Variants in DLGAP1 observed in about 807,000 individuals in gnomAD.
DLGAP1 encodes the protein DLG associated protein 1, also known as disks large-associated protein 1.
In DLGAP1, 11 loss-of-function variants were observed where a neutral mutation model predicts 90.8. The ratio of observed to expected loss-of-function variants is 0.12; its 90% CI spans 0.08 to 0.20. The LOEUF is 0.20. Among genes scored for constraint, DLGAP1 ranks in the 10% least tolerant of loss-of-function variants. DLGAP1 has a pLI of 1.00. For synonymous variants in DLGAP1, 558 were observed against 540.7 expected, an observed-to-expected ratio of 1.03 and a Z score of -0.44; for missense variants, 1,050 against 1,333.8, an observed-to-expected ratio of 0.79 and a Z score of 3.31.
intron 1 of DLGAP1, among the ~76,000 whole-genome samples, chr18:4,361,671 C>A (rs143820022): frequency 2.0e-5 from 3 of 152,010 alleles, no homozygotes; most frequent in African/African-American, 4.8e-5. Flanking sequence ...ACAAAAGCTT[C>A]GAAACACTTA....
chr18:3,585,359 G>A (rs2055817569), intron 7 of DLGAP1, among the ~76,000 whole-genome samples: 1 of 152,194 alleles, frequency 6.6e-6, no homozygotes, highest in Non-Finnish European at 1.5e-5. Context: ...TGGGAGTAAC[G>A]CTCATCTCAG....
At chr18:3,724,380 T>C (rs1473220493) in intron 7 of DLGAP1, among the ~76,000 whole-genome samples, 1 of 152,100 alleles carries the variant, frequency 6.6e-6, no homozygotes, top group Non-Finnish European at 1.5e-5. Flanking sequence ...ACCTATTTAC[T>C]CTTTATAAAA....
intron 10 of DLGAP1, among the ~76,000 whole-genome samples, chr18:3,520,066 C>A (rs773061473): frequency 2.4e-4 from 36 of 152,106 alleles, no homozygotes; most frequent in Non-Finnish European, 4.3e-4. Context: ...ATTACCCAGT[C>A]TTTGGTATTT....
intron 1 of DLGAP1, among the ~76,000 whole-genome samples, chr18:4,283,393 G>T (rs1054198499): frequency 6.6e-6 from 1 of 152,134 alleles, no homozygotes; most frequent in African/African-American, 2.4e-5. Flanking sequence ...GTAGCAAAAG[G>T]ATTAGATTTA....
At chr18:4,310,362 C>A (rs1200259823) in intron 1 of DLGAP1, among the ~76,000 whole-genome samples, 3 of 152,132 alleles carry the variant, frequency 2.0e-5, no homozygotes, top group Non-Finnish European at 4.4e-5. Context: ...AAACACAAAA[C>A]AACTGGTGCT....
At chr18:3,514,996 G>T (rs2050746560) in intron 10 of DLGAP1, among the ~76,000 whole-genome samples, 1 of 152,076 alleles carries the variant, frequency 6.6e-6, no homozygotes, top group South Asian at 2.1e-4. Flanking sequence ...ACTCATCTTG[G>T]ACTCCCAAAC....
At chr18:3,908,868 C>T (rs1462264548) in intron 3 of DLGAP1, among the ~76,000 whole-genome samples, 2 of 152,192 alleles carry the variant, frequency 1.3e-5, no homozygotes, top group Middle Eastern at 3.4e-3. Context: ...TATGAAGAGG[C>T]AAAGGCTTGC....
intron 2 of DLGAP1, among the ~76,000 whole-genome samples, chr18:4,043,910 G>A: frequency 6.6e-6 from 1 of 152,158 alleles, no homozygotes; most frequent in Non-Finnish European, 1.5e-5. Context: ...ACTATGTAGA[G>A]GGGAAATTGA....
At chr18:4,400,370 C>T (rs2082529423) in intron 1 of DLGAP1, among the ~76,000 whole-genome samples, 1 of 152,220 alleles carries the variant, frequency 6.6e-6, no homozygotes, top group East Asian at 1.9e-4. Flanking sequence ...CAATTCCTCT[C>T]CTGCTGTTGT....
chr18:3,988,381 C>T (rs766241824), intron 3 of DLGAP1, among the ~76,000 whole-genome samples: 3 of 152,204 alleles, frequency 2.0e-5, no homozygotes, highest in Middle Eastern at 3.4e-3. Context: ...TTTTGATGTG[C>T]GTCTGTAAGC....
rs1187776783 is a variant in DLGAP1 at position 4,183,466 on chromosome 18, C to CA, written c.-266-32180dup. On this transcript the variant is annotated intron_variant, in intron 1 of 12. Coordinates refer to ENST00000315677, the MANE Select transcript of DLGAP1 (RefSeq NM_004746.4). ...ATATGTCTATCAAAAGTAGGCATTTCAAAAAATCAAAAAATTATTTGAAGG... is the reference window on the plus strand; with the variant it reads ...ATATGTCTATCAAAAGTAGGCATTTCAAAAAAATCAAAAAATTATTTGAAGG... Among the ~76,000 whole-genome samples the CA allele has an allele frequency of 5.3e-5, 8 of 152,112 alleles. No individual in the cohort carries two copies. In the East Asian group the frequency reaches 9.7e-4, roughly 18 times the overall value.
chr18:3,597,150 T>C (rs755735010), intron 7 of DLGAP1: 1 of 517,736 alleles, frequency 1.9e-6, no homozygotes, highest in South Asian at 1.4e-5. Context: ...TACTTATTTT[T>C]CTGTACTCTG....
At position 4,069,550 on chromosome 18, in the gene DLGAP1, G is replaced by A. The variant is rs114576862; in HGVS notation, c.-158-64349C>T. Among the ~76,000 whole-genome samples, 904 of 152,166 alleles carry A rather than the reference G, an allele frequency of 5.9e-3. 11 individuals carry two copies. Among genetic ancestry groups the A allele is most frequent in the African/African-American group, 0.02 (832 of 41,510 alleles). ...TCCTCGAGACAGTGGATGACTTTTC[G>A]TGAAATCTGCGTTTTAAAAGTGTGT... On this transcript the variant is annotated intron_variant, in intron 2 of 12. Transcript: ENST00000315677.
intron 1 of DLGAP1, among the ~76,000 whole-genome samples, chr18:4,189,658 C>T (rs981704090): frequency 6.6e-6 from 1 of 151,994 alleles, no homozygotes; most frequent in African/African-American, 2.4e-5. Context: ...GAACGGTCAA[C>T]AAAATATTAA....
chr18:3,733,615 G>T (rs1264241257), intron 6 of DLGAP1, among the ~76,000 whole-genome samples: 3 of 152,076 alleles, frequency 2.0e-5, no homozygotes, highest in Admixed American at 2.0e-4. Context: ...GGTCTATCAG[G>T]GATGTAATCC....
At chr18:4,244,006 T>C (rs561421870) in intron 1 of DLGAP1, among the ~76,000 whole-genome samples, 1 of 152,298 alleles carries the variant, frequency 6.6e-6, no homozygotes, top group East Asian at 1.9e-4. Flanking sequence ...TCGATTATTA[T>C]TTTGCTTTCT....
At chr18:4,253,018 G>A (rs760680574) in intron 1 of DLGAP1, among the ~76,000 whole-genome samples, 5 of 152,148 alleles carry the variant, frequency 3.3e-5, no homozygotes, top group Non-Finnish European at 5.9e-5. Context: ...GCTGGCATTT[G>A]GAATCCCTGG....
chr18:4,008,460 G>A (rs918246451), intron 2 of DLGAP1, among the ~76,000 whole-genome samples: 4 of 152,068 alleles, frequency 2.6e-5, no homozygotes, highest in Admixed American at 6.5e-5. Context: ...CTTAGCAAAG[G>A]CTCTGTACAG....
rs538995187 is a variant in DLGAP1, at chr18:3,800,574, T to C, written c.1172+13485A>G. On this transcript the variant is annotated intron_variant, in intron 5 of 12. Coordinates refer to ENST00000315677, the MANE Select transcript of DLGAP1 (RefSeq NM_004746.4). ...AAGAAAGTTTAGACATGGGTATATA[T>C]AATATATGCTTAGAACATTTCTGAA... Among the ~76,000 whole-genome samples, 8 of 152,298 alleles carry C rather than the reference T, an allele frequency of 5.3e-5. No homozygotes were observed. In the South Asian group the frequency reaches 1.7e-3, roughly 32 times the overall value.
Sources: allele counts gnomAD v4.1 joint callset (sites outside exome capture counted in the v4.1 genomes callset), GRCh38; gene constraint gnomAD v4.1.1; transcripts MANE v1.5; gene names NCBI Gene and HGNC (gene_info 2026-07-23, HGNC 2026-07-21).